The following SPRY3 variants were observed in gnomAD, a reference collection of about 807,000 sequenced individuals.
The protein encoded by SPRY3 is protein sprouty homolog 3.
A neutral mutation model predicts 20.2 loss-of-function variants in SPRY3; 15 were observed. The ratio of observed to expected loss-of-function variants is 0.74; its 90% CI spans 0.50 to 1.14. The LOEUF (loss-of-function observed/expected upper bound fraction) is 1.14, where lower values mean the gene tolerates loss of function less well. Ranked by LOEUF, SPRY3 falls within the 50% of genes most tolerant of loss-of-function variation. The probability of loss-of-function intolerance (pLI) is 0.00; values close to 1 mark genes in which losing one functional copy is unlikely to be tolerated. For synonymous variants in SPRY3, 143 were observed against 136.5 expected (o/e 1.05, Z -0.33); for missense variants, 364 against 363.9 (o/e 1.00, Z 0.00).
At chrX:155,745,950 G>T (rs1322434274) in intron 2 of SPRY3, among the ~76,000 whole-genome samples, 1 of 151,960 alleles carries the variant, frequency 6.6e-6, no homozygotes, top group Admixed American at 6.6e-5. Flanking sequence ...GTTACACTTG[G>T]CTCAAGTCCA....
intron 2 of SPRY3, among the ~76,000 whole-genome samples, chrX:155,678,173 A>G (rs1394890567): frequency 6.3e-5 from 7 of 111,610 alleles, no homozygotes. Context: ...CTAATGGAGT[A>G]GTATTTCTAG....
At chrX:155,616,564 C>T (rs1299007754) in intron 1 of SPRY3, among the ~76,000 whole-genome samples, 7 of 110,938 alleles carry the variant, frequency 6.3e-5, no homozygotes, top group African/African-American at 2.3e-4. Context: ...AAAAGTGCTC[C>T]AGCTGGAGAC....
chrX:155,692,160 AGGGAATAGTAAAT>A (rs2068103865), intron 2 of SPRY3, among the ~76,000 whole-genome samples: 1 of 110,657 alleles, frequency 9.0e-6, no homozygotes, highest in African/African-American at 3.3e-5. Flanking sequence ...AGGGATAAAG[AGGGAATAGTAAAT>A]GGGTACAGCT....
At position 155,627,368 on chromosome X, in the gene SPRY3, T is replaced by C. The variant is rs186122357; in HGVS notation, c.-441+14721T>C. ...CTGGCTTATTTCACCTAACATAATGTCCTCCAGGTTCATCCATGCTGTGAC... is the reference window on the plus strand; with the variant it reads ...CTGGCTTATTTCACCTAACATAATGCCCTCCAGGTTCATCCATGCTGTGAC... On this transcript the variant is annotated intron_variant, in intron 1 of 3. Transcript: ENST00000675360. 6.1e-3 allele frequency among the ~76,000 whole-genome samples: 683 copies of C among 112,022 alleles called. 3 individuals are homozygous for C. Among genetic ancestry groups the C allele is most frequent in the African/African-American group, 0.021 (634 of 30,859 alleles).
At chrX:155,616,402 T>C (rs1159056300) in intron 1 of SPRY3, among the ~76,000 whole-genome samples, 2 of 110,536 alleles carry the variant, frequency 1.8e-5, no homozygotes, top group Non-Finnish European at 3.8e-5. Context: ...AGTACAGCTC[T>C]ATGGAAGTCT....
chrX:155,625,634 T>C (rs1308679270), intron 1 of SPRY3, among the ~76,000 whole-genome samples: 2 of 111,262 alleles, frequency 1.8e-5, no homozygotes, highest in South Asian at 3.7e-4. Flanking sequence ...AATTCACTTA[T>C]AGTAAATCCA....
intron 2 of SPRY3, among the ~76,000 whole-genome samples, chrX:155,714,037 T>C (rs1362918501): frequency 7.2e-5 from 11 of 152,196 alleles, no homozygotes; most frequent in Non-Finnish European, 1.0e-4. Flanking sequence ...GAATTTTTGC[T>C]TGATTCTTTT....
rs775947363 is a variant in SPRY3 at position 155,754,840 on chromosome X, A to G, written c.-281-13122A>G. ...ATGTATTCTTATTTTATTCTTTTAG[A>G]TGCTATTGTAAATGGAGTTGTTTTC... On this transcript the variant is annotated intron_variant, in intron 2 of 3. Coordinates refer to ENST00000675360, the Ensembl canonical transcript of SPRY3. Among the ~76,000 whole-genome samples, 236 of 151,868 alleles carry G rather than the reference A, an allele frequency of 1.6e-3. 1 individual carries two copies. The highest frequency in any genetic ancestry group is 2.7e-3 in the Non-Finnish European group (182 of 67,926).
At chrX:155,744,764 ACCACT>A (rs1192854318) in intron 2 of SPRY3, among the ~76,000 whole-genome samples, 2 of 152,012 alleles carry the variant, frequency 1.3e-5, no homozygotes, top group African/African-American at 4.8e-5. Context: ...AACCTGCTGC[ACCACT>A]CTTAGCAAAC....
chrX:155,690,879 A>C (rs890452097), intron 2 of SPRY3, among the ~76,000 whole-genome samples: 1 of 87,474 alleles, frequency 1.1e-5, no homozygotes, highest in Admixed American at 1.2e-4. Context: ...AACTTATATC[A>C]ATTCTGGATA....
chrX:155,670,449 A>C (rs2068036864), intron 2 of SPRY3, among the ~76,000 whole-genome samples: 1 of 111,759 alleles, frequency 8.9e-6, no homozygotes, highest in Admixed American at 9.5e-5. Flanking sequence ...TTAGTGAAGA[A>C]GAGAAATTAG....
At chrX:155,698,554 TA>T (rs1224073285) in intron 2 of SPRY3, among the ~76,000 whole-genome samples, 1 of 112,087 alleles carries the variant, frequency 8.9e-6, no homozygotes, top group Non-Finnish European at 1.9e-5. Context: ...TTAACCAGTA[TA>T]TTTTTTTCAT....
chrX:155,723,729 A>G (rs1192789442), intron 2 of SPRY3, among the ~76,000 whole-genome samples: 1 of 152,054 alleles, frequency 6.6e-6, no homozygotes, highest in Non-Finnish European at 1.5e-5. Flanking sequence ...CCCATTCTCT[A>G]GGTTGCCTGT....
chrX:155,736,376 C>T (rs969568826), intron 2 of SPRY3, among the ~76,000 whole-genome samples: 2 of 151,940 alleles, frequency 1.3e-5, no homozygotes, highest in Non-Finnish European at 2.9e-5. Context: ...GACAAGCCTA[C>T]TGGTGACACA....
intron 2 of SPRY3, among the ~76,000 whole-genome samples, chrX:155,760,938 C>G (rs2091301686): frequency 6.6e-6 from 1 of 152,112 alleles, no homozygotes; most frequent in Non-Finnish European, 1.5e-5. Context: ...AAATGTCAAT[C>G]CTTATACATT....
At chrX:155,660,635 A>G (rs1487046050) in intron 2 of SPRY3, among the ~76,000 whole-genome samples, 2 of 111,101 alleles carry the variant, frequency 1.8e-5, no homozygotes, top group African/African-American at 3.3e-5. Flanking sequence ...ATTGCTGTCT[A>G]TTGCATTGCT....
chrX:155,742,898 C>T (rs1469650913), intron 2 of SPRY3, among the ~76,000 whole-genome samples: 2 of 151,984 alleles, frequency 1.3e-5, no homozygotes, highest in Non-Finnish European at 2.9e-5. Flanking sequence ...GATCTCAAAT[C>T]AACAACCTAA....
intron 2 of SPRY3, among the ~76,000 whole-genome samples, chrX:155,657,270 AG>A (rs2067995177): frequency 8.9e-6 from 1 of 111,950 alleles, no homozygotes; most frequent in South Asian, 3.8e-4. Flanking sequence ...TTTATCTATA[AG>A]CCCCTCACTG....
intron 2 of SPRY3, among the ~76,000 whole-genome samples, chrX:155,714,392 A>T: frequency 6.6e-6 from 1 of 151,860 alleles, no homozygotes; most frequent in East Asian, 1.9e-4. Flanking sequence ...CCCAAGTCCA[A>T]TAATGCTTTC....
Sources: gnomAD v4.1 joint callset for allele counts (sites outside exome capture counted in the v4.1 genomes callset) on GRCh38, gnomAD v4.1.1 for gene constraint, MANE v1.5 for transcripts, NCBI Gene and HGNC (gene_info 2026-07-23, HGNC 2026-07-21) for gene names.